GALNT8: variants seen among roughly 807,000 people sequenced by gnomAD.
GALNT8 encodes probable polypeptide N-acetylgalactosaminyltransferase 8.
GALNT8 carries 66 observed loss-of-function variants against 62.7 expected under a neutral mutation model. That is an observed-to-expected ratio of 1.05 (90% confidence interval 0.86 to 1.29). The LOEUF (loss-of-function observed/expected upper bound fraction) is 1.29, where lower values mean the gene tolerates loss of function less well. Ranked by LOEUF, GALNT8 falls within the 50% of genes most tolerant of loss-of-function variation. GALNT8 has a pLI of 0.00. For missense variants in GALNT8, 771 were observed against 791.8 expected (o/e 0.97, Z 0.32); for synonymous variants, 288 against 294.3 (o/e 0.98, Z 0.22).
chr12:4,748,762 G>A (rs1025408474), intron 6 of GALNT8, among the ~76,000 whole-genome samples: 1 of 151,790 alleles, frequency 6.6e-6, no homozygotes, highest in Admixed American at 6.6e-5. Flanking sequence ...GTGAAGAATG[G>A]TGTTTTGATA....
At chr12:4,763,509 C>T in intron 8 of GALNT8, 119 bp downstream of exon 8, 1 of 771,580 alleles carries the variant, frequency 1.3e-6, no homozygotes, top group African/African-American at 1.7e-5. Context: ...GCTTTCTACT[C>T]AGCTCTTCGC....
chr12:4,722,722 G>A (rs538638610), intron 1 of GALNT8, among the ~76,000 whole-genome samples: 4 of 152,314 alleles, frequency 2.6e-5, no homozygotes, highest in African/African-American at 9.6e-5. Context: ...GACTGCCCAG[G>A]TGTGTGCACA....
At chr12:4,723,709 C>T (rs1460220248) in intron 1 of GALNT8, among the ~76,000 whole-genome samples, 1 of 151,012 alleles carries the variant, frequency 6.6e-6, no homozygotes, top group African/African-American at 2.4e-5. Context: ...CTGAGTTGAA[C>T]CTCAAAAAGT....
intron 3 of GALNT8, among the ~76,000 whole-genome samples, chr12:4,743,109 C>T (rs868307278): frequency 6.6e-6 from 1 of 152,168 alleles, no homozygotes; most frequent in Admixed American, 6.5e-5. Flanking sequence ...CCTCAGGCTC[C>T]CAAAGTGCTG....
chr12:4,764,012 C>A lies in GALNT8; in HGVS notation c.1558C>A (p.Pro520Thr). ...TCAGGGACCCGTTCCAGGCAACACC[C>A]CCATCATGTATTACTGCCATGAATT... Reference protein sequence around the residue: ...LDQGPVPGNTPIMYYCHEFSS... With the variant: ...LDQGPVPGNTTIMYYCHEFSS... Residue 520 changes from proline (P) to threonine (T), a missense_variant, in exon 9 of 11, where the codon CCC becomes ACC. Pro to Thr is a conservative substitution (Grantham distance 38). Transcript: ENST00000252318. 3 of 1,596,188 alleles carry A rather than the reference C, an allele frequency of 1.9e-6. No individual in the cohort carries two copies. Among genetic ancestry groups the A allele is most frequent in the Non-Finnish European group, 2.6e-6 (3 of 1,163,436 alleles).
rs748037022 is a variant in GALNT8, at chr12:4,772,649, T to C, written c.*52T>C. 6.0e-5 allele frequency: 83 copies of C among 1,390,230 alleles called. No individual in the cohort carries two copies. The highest frequency in any genetic ancestry group is 8.1e-5 in the Non-Finnish European group (80 of 981,946). 86.1% of individuals were successfully genotyped at this position (1,390,230 alleles called of 1,614,324 possible). A position where few individuals can be genotyped will look rare whatever the true frequency, so the allele number is the denominator to read the frequency against. ...ATCAATTCTTGCAAGTGGAATGGCT[T>C]CTACTCCTAACACTCCCAGCTTCTT... is the stretch of plus-strand genomic sequence containing the variant. On this transcript the variant is annotated 3_prime_UTR_variant, in exon 11 of 11. Transcript: ENST00000252318.
intron 6 of GALNT8, among the ~76,000 whole-genome samples, chr12:4,751,968 C>A (rs1036507202): frequency 4.6e-5 from 7 of 152,100 alleles, no homozygotes; most frequent in Admixed American, 3.9e-4. Flanking sequence ...ATTGTTATAG[C>A]CTCTGGCTAA....
rs78903513 is a variant in GALNT8, at chr12:4,727,153, C to T, written c.509+324C>T. Among the ~76,000 whole-genome samples the T allele has an allele frequency of 6.0e-3, 918 of 152,138 alleles. 24 individuals carry two copies. Among genetic ancestry groups the T allele is most frequent in the Admixed American group, 0.029 (436 of 15,296 alleles). On this transcript the variant is annotated intron_variant, in intron 2 of 10. Transcript: ENST00000252318. The stretch of plus-strand genomic sequence containing the variant: ...GAAACTGAAGCTGAGAAGGGACTTG[C>T]GCAAGTCACACCAAAGCCAGTAGCT...
chr12:4,756,977 T>A (rs1946348079), intron 6 of GALNT8, among the ~76,000 whole-genome samples: 1 of 152,224 alleles, frequency 6.6e-6, no homozygotes, highest in South Asian at 2.1e-4. Context: ...TCGGGGGGGT[T>A]TTCCCCAGGT....
rs1946197513 is a variant in GALNT8, at chr12:4,726,725, CCAG to C, written c.409_411del (p.Gln137del). ...AATGGGGCGAGGATCTTTCTGAGGC[CCAG>C]CAGAAGGCGGCCCAGGACCTCTTCC... is the stretch of plus-strand genomic sequence containing the variant. On this transcript the variant is annotated inframe_deletion, in exon 2 of 11. Coordinates refer to ENST00000252318, the MANE Select transcript of GALNT8 (RefSeq NM_017417.2). The surrounding 1 kb of genome is among the most constrained non-coding windows in gnomAD (Gnocchi z 4.1). 2 of 1,613,938 alleles carry C rather than the reference CCAG, an allele frequency of 1.2e-6. No homozygotes were observed. Among genetic ancestry groups the C allele is most frequent in the Non-Finnish European group, 1.7e-6 (2 of 1,179,966 alleles).
chr12:4,727,489 G>C (rs774475716), intron 2 of GALNT8, among the ~76,000 whole-genome samples: 4 of 152,156 alleles, frequency 2.6e-5, no homozygotes, highest in Non-Finnish European at 5.9e-5. Context: ...AAAAGAAACG[G>C]CTTTAGCAGG....
At chr12:4,756,661 T>A (rs938574288) in intron 6 of GALNT8, among the ~76,000 whole-genome samples, 3 of 152,164 alleles carry the variant, frequency 2.0e-5, no homozygotes, top group Admixed American at 1.3e-4. Flanking sequence ...TAATTTCCCA[T>A]CTAGAGTTTA....
chr12:4,739,275 A>G lies in GALNT8; in HGVS notation c.622A>G (p.Thr208Ala). 1 of 1,613,630 alleles carries G rather than the reference A, an allele frequency of 6.2e-7. No homozygotes were observed. Among genetic ancestry groups the G allele is most frequent in the Non-Finnish European group, 8.5e-7 (1 of 1,179,710 alleles). ...QRAITSIINR[T>A]PSRLLKEIIL... ...GGCCATCACCAGTATCATCAACCGGACGCCCTCTCGATTGTTGAAGGAAAT... is the reference window on the plus strand; with the variant it reads ...GGCCATCACCAGTATCATCAACCGGGCGCCCTCTCGATTGTTGAAGGAAAT... The change falls in exon 3 of 11, where the codon ACG becomes GCG. Residue 208 changes from threonine (T) to alanine (A), a missense_variant. By Grantham distance (58) the Thr-to-Ala change is moderately conservative. Transcript: ENST00000252318.
At chr12:4,766,037 C>T (rs1258272949) in intron 10 of GALNT8, among the ~76,000 whole-genome samples, 1 of 152,198 alleles carries the variant, frequency 6.6e-6, no homozygotes, top group Non-Finnish European at 1.5e-5. Flanking sequence ...TCCCAAAGCG[C>T]TGGGATTACA....
intron 2 of GALNT8, among the ~76,000 whole-genome samples, chr12:4,736,534 A>C (rs549241908): frequency 6.6e-6 from 1 of 152,108 alleles, no homozygotes; most frequent in African/African-American, 2.4e-5. Context: ...TAAGTGGCTT[A>C]TGATGACCCA....
Position 4,765,432 on chromosome 12 carries a change from G to A in GALNT8, c.1647G>A (p.Glu549=), listed in dbSNP as rs2137544753. The A allele has an allele frequency of 6.2e-7, 1 of 1,610,702 alleles. No homozygotes were observed. The highest frequency in any genetic ancestry group is 2.2e-5 in the East Asian group (1 of 44,766). ...GELYVGQLIA[E]ASASDRCLTD... ...TCTATGTGGGACAACTGATTGCAGA[G>A]GCCAGTGCTAGTGATCGCTGCCTGA... The change falls in exon 10 of 11, where the codon GAG becomes GAA. Residue 549 remains glutamate (E), a synonymous_variant. Transcript: ENST00000252318.
intron 1 of GALNT8, among the ~76,000 whole-genome samples, chr12:4,725,767 G>A (rs1946192461): frequency 6.6e-6 from 1 of 152,042 alleles, no homozygotes; most frequent in Admixed American, 6.5e-5. Context: ...TGTTGGCCAG[G>A]CTGGTCTTGA....
At chr12:4,760,309 C>T (rs978778133) in intron 6 of GALNT8, among the ~76,000 whole-genome samples, 1 of 152,232 alleles carries the variant, frequency 6.6e-6, no homozygotes, top group Non-Finnish European at 1.5e-5. Context: ...CTCTTAATGT[C>T]TTCCCTTTTT....
At chr12:4,755,179 C>T (rs1380130709) in intron 6 of GALNT8, among the ~76,000 whole-genome samples, 2 of 152,184 alleles carry the variant, frequency 1.3e-5, no homozygotes, top group East Asian at 1.9e-4. Context: ...ACTAGGATTC[C>T]CCTAATAGTT....
Sources: allele counts gnomAD v4.1 joint callset (sites outside exome capture counted in the v4.1 genomes callset), GRCh38; gene constraint gnomAD v4.1.1; non-coding constraint Gnocchi (gnomAD v3.1); transcripts MANE v1.5; gene names NCBI Gene and HGNC (gene_info 2026-07-23, HGNC 2026-07-21).